Variants in AGBL4 observed in about 807,000 individuals in gnomAD.
The protein encoded by AGBL4 is cytosolic carboxypeptidase 6.
In AGBL4, 58 loss-of-function variants were observed where a neutral mutation model predicts 66.4. The observed-to-expected ratio is 0.87, with a 90% confidence interval of 0.71 to 1.09. The LOEUF is 1.09. Among genes scored for constraint, AGBL4 ranks in the 50% least tolerant of loss-of-function variants. AGBL4 has a pLI of 0.00. For synonymous variants in AGBL4, 234 were observed against 222.9 expected, an observed-to-expected ratio of 1.05 and a Z score of -0.44; for missense variants, 579 against 631.0, an observed-to-expected ratio of 0.92 and a Z score of 0.88.
At chr1:49,755,782 G>T (rs1009947142) in intron 2 of AGBL4, among the ~76,000 whole-genome samples, 1 of 152,156 alleles carries the variant, frequency 6.6e-6, no homozygotes, top group Non-Finnish European at 1.5e-5. Flanking sequence ...CTGCTTTTAG[G>T]CAACACTTCA....
intron 4 of AGBL4, among the ~76,000 whole-genome samples, chr1:49,059,073 G>A (rs1177750028): frequency 6.6e-6 from 1 of 152,224 alleles, no homozygotes; most frequent in Non-Finnish European, 1.5e-5. Context: ...GTAACAAGGA[G>A]CCAAATGTTA....
the AGBL4 span, among the ~76,000 whole-genome samples, chr1:48,527,030 A>G: frequency 6.6e-6 from 1 of 152,272 alleles, no homozygotes; most frequent in African/African-American, 2.4e-5. Flanking sequence ...GAAGCCATAG[A>G]GGAAATCTGA....
At chr1:48,744,838 C>G (rs537780303) in intron 6 of AGBL4, among the ~76,000 whole-genome samples, 1 of 152,188 alleles carries the variant, frequency 6.6e-6, no homozygotes, top group Non-Finnish European at 1.5e-5. Flanking sequence ...CAATATTCAC[C>G]TCTGCTCAGG....
intron 4 of AGBL4, among the ~76,000 whole-genome samples, chr1:49,155,282 TG>T (rs1191601467): frequency 6.6e-6 from 1 of 152,174 alleles, no homozygotes; most frequent in African/African-American, 2.4e-5. Flanking sequence ...AGCCAAAATG[TG>T]CATCCAACCC....
chr1:49,404,642 C>T (rs1351611893), intron 3 of AGBL4, among the ~76,000 whole-genome samples: 1 of 152,222 alleles, frequency 6.6e-6, no homozygotes, highest in African/African-American at 2.4e-5. Flanking sequence ...CCAAAGTCTA[C>T]CACAATTTTG....
At chr1:49,560,900 C>G (rs983077988) in intron 3 of AGBL4, among the ~76,000 whole-genome samples, 11 of 151,972 alleles carry the variant, frequency 7.2e-5, no homozygotes, top group African/African-American at 2.7e-4. Context: ...AAGATTTTCC[C>G]AGAAAAACAA....
intron 11 of AGBL4, among the ~76,000 whole-genome samples, chr1:48,577,426 A>G (rs572600609): frequency 2.5e-4 from 38 of 152,324 alleles, no homozygotes; most frequent in Admixed American, 2.4e-3. Context: ...ATCACTATAA[A>G]GAAACTTTAC....
chr1:48,725,950 T>C (rs193157322), intron 6 of AGBL4, among the ~76,000 whole-genome samples: 1 of 152,310 alleles, frequency 6.6e-6, no homozygotes. Flanking sequence ...TCTGCAAGGG[T>C]CTTTTTTATT....
intron 4 of AGBL4, among the ~76,000 whole-genome samples, chr1:49,121,303 T>C (rs946672021): frequency 2.0e-5 from 3 of 152,226 alleles, no homozygotes; most frequent in Non-Finnish European, 4.4e-5. Context: ...GTTTGTAGAA[T>C]TTTCAGCTTT....
chr1:49,468,727 T>C (rs1194696912), intron 3 of AGBL4, among the ~76,000 whole-genome samples: 5 of 151,900 alleles, frequency 3.3e-5, no homozygotes, highest in Admixed American at 2.6e-4. Flanking sequence ...GAATAAATTG[T>C]GTGGAGACCT....
intron 3 of AGBL4, among the ~76,000 whole-genome samples, chr1:49,283,925 AC>A (rs1196015917): frequency 6.7e-6 from 1 of 149,986 alleles, no homozygotes; most frequent in Non-Finnish European, 1.5e-5. Flanking sequence ...GGAGAATGGA[AC>A]CAAGTTGGAA....
intron 6 of AGBL4, among the ~76,000 whole-genome samples, chr1:48,669,466 A>G (rs1307471576): frequency 1.3e-5 from 2 of 152,026 alleles, no homozygotes; most frequent in South Asian, 2.1e-4. Context: ...CTCTCCCTCC[A>G]GTTATGACAA....
At chr1:49,245,108 T>A (rs1651532728) in intron 4 of AGBL4, among the ~76,000 whole-genome samples, 1 of 151,700 alleles carries the variant, frequency 6.6e-6, no homozygotes, top group African/African-American at 2.4e-5. Flanking sequence ...ATATAAAGCA[T>A]CTGACCCAAA....
chr1:49,686,334 G>T (rs1032809279), intron 3 of AGBL4, among the ~76,000 whole-genome samples: 1 of 152,168 alleles, frequency 6.6e-6, no homozygotes, highest in African/African-American at 2.4e-5. Flanking sequence ...GGCTCCTCCA[G>T]CACAGTAAGT....
intron 6 of AGBL4, among the ~76,000 whole-genome samples, chr1:48,789,856 G>T (rs1008217310): frequency 6.6e-6 from 1 of 152,132 alleles, no homozygotes; most frequent in Non-Finnish European, 1.5e-5. Context: ...CGTCTCTGCT[G>T]CAGTGACATT....
At chr1:49,698,829 TA>T (rs1432611253) in intron 2 of AGBL4, among the ~76,000 whole-genome samples, 2 of 152,082 alleles carry the variant, frequency 1.3e-5, no homozygotes, top group African/African-American at 4.8e-5. Flanking sequence ...TTCTTCATAC[TA>T]AAAAAGTATA....
At chr1:48,801,783 T>C (rs1645814799) in intron 6 of AGBL4, among the ~76,000 whole-genome samples, 1 of 152,184 alleles carries the variant, frequency 6.6e-6, no homozygotes, top group Admixed American at 6.5e-5. Context: ...TTGCATGTTT[T>C]TGCAGTGGTT....
In AGBL4 at chr1:49,148,996, G is replaced by A. The variant is rs6660929; in HGVS notation, c.377+96774C>T. Among the ~76,000 whole-genome samples the A allele has an allele frequency of 9.3e-3, 1,423 of 152,288 alleles. 14 individuals are homozygous for A. The highest frequency in any genetic ancestry group is 0.033 in the African/African-American group (1,363 of 41,552). On this transcript the variant is annotated intron_variant, in intron 4 of 13. Coordinates refer to ENST00000371839, the MANE Select transcript of AGBL4 (RefSeq NM_032785.4). Reference sequence around the variant, plus strand: ...CTCATTTATCTTGGACACAGGAAGCGTCTAGAGCTCTGAGATACTGATAGT... The same window carrying A: ...CTCATTTATCTTGGACACAGGAAGCATCTAGAGCTCTGAGATACTGATAGT...
At chr1:48,743,822 T>C (rs1650306815) in intron 6 of AGBL4, among the ~76,000 whole-genome samples, 1 of 152,196 alleles carries the variant, frequency 6.6e-6, no homozygotes, top group African/African-American at 2.4e-5. Context: ...TAGACTTTGG[T>C]TGGTGGCAGT....
Sources: gnomAD v4.1 joint callset for allele counts (sites outside exome capture counted in the v4.1 genomes callset) on GRCh38, gnomAD v4.1.1 for gene constraint, MANE v1.5 for transcripts, NCBI Gene and HGNC (gene_info 2026-07-23, HGNC 2026-07-21) for gene names.